ARRDC1: variants seen among roughly 807,000 people sequenced by gnomAD.
The protein encoded by ARRDC1 is arrestin domain containing 1.
Under a neutral mutation model 40.1 loss-of-function variants are expected in ARRDC1, and 37 were observed. The observed-to-expected ratio is 0.92, with a 90% CI of 0.71 to 1.21. The LOEUF (loss-of-function observed/expected upper bound fraction) is 1.21. Among genes scored for constraint, ARRDC1 ranks in the 50% most tolerant of loss-of-function variants. The pLI, the probability that ARRDC1 is intolerant of heterozygous loss-of-function variation, is 0.00. For synonymous variants in ARRDC1, 310 were observed against 262.5 expected, an observed-to-expected ratio of 1.18 and a Z score of -1.75; for missense variants, 641 against 581.9, an observed-to-expected ratio of 1.10 and a Z score of -1.04.
intron 3 of ARRDC1, 31 bp from the exon 4 acceptor site, chr9:137,613,584 A>G: frequency 1.9e-6 from 3 of 1,614,146 alleles, no homozygotes; most frequent in Non-Finnish European, 2.5e-6. Flanking sequence ...GGTGGAAGGC[A>G]GCCAGGTACC....
Position 137,609,232 on chromosome 9 carries a change from C to CATTT in ARRDC1, c.118+3419_118+3422dup, listed in dbSNP as rs577449196. Among the ~76,000 whole-genome samples, 1,288 of 152,078 alleles carry CATTT rather than the reference C, an allele frequency of 8.5e-3. 14 individuals are homozygous for CATTT. The highest frequency in any genetic ancestry group is 0.028 in the African/African-American group (1,150 of 41,466). The stretch of plus-strand genomic sequence containing the variant: ...CACCTCCCTCCAACGTGTGTTGAGA[C>CATTT]ATTTATTTATTTATTTATTTATTTA... On this transcript the variant is annotated intron_variant, in intron 1 of 7. Coordinates refer to ENST00000371421, the MANE Select transcript of ARRDC1 (RefSeq NM_152285.4).
rs773151250 is a variant in ARRDC1 at position 137,613,788 on chromosome 9, C to T, written c.435+19C>T. ...CATTGAGGTGAGGATGGCACAGTGA[C>T]CTCCTTGGTGGGTCCCCACCCTCAT... On this transcript the variant is annotated intron_variant, in intron 4 of 7. Coordinates refer to ENST00000371421, the MANE Select transcript of ARRDC1 (RefSeq NM_152285.4). 22 of 1,613,342 alleles carry T rather than the reference C, an allele frequency of 1.4e-5. No homozygotes were observed. The highest frequency in any genetic ancestry group is 6.7e-5 in the African/African-American group (5 of 75,056).
chr9:137,607,662 G>A (rs1842446835), intron 1 of ARRDC1, among the ~76,000 whole-genome samples: 1 of 152,226 alleles, frequency 6.6e-6, no homozygotes, highest in Non-Finnish European at 1.5e-5. Context: ...CAGCGCCCTG[G>A]CAAGTGGCAC....
At chr9:137,607,457 G>A (rs934803157) in intron 1 of ARRDC1, among the ~76,000 whole-genome samples, 8 of 152,214 alleles carry the variant, frequency 5.3e-5, no homozygotes, top group Non-Finnish European at 8.8e-5. Flanking sequence ...AAGGGCTGAC[G>A]CGGAGGGAGG....
In ARRDC1 at chr9:137,614,876, C is replaced by T; in HGVS notation, c.1113C>T (p.His371=). The stretch of plus-strand genomic sequence containing the variant: ...GCAGCCCTGCCTCACACCCGCTGCA[C>T]CCTCCCTTGTGCATTTCAACAGGTG... The part of the protein sequence containing the change: ...QDGSPASHPL[H]PPLCISTGAT... Residue 371 remains histidine (H), a synonymous_variant, in exon 7 of 8, where the codon CAC becomes CAT. Transcript: ENST00000371421. 1.2e-6 allele frequency: 2 copies of T among 1,613,724 alleles called. No homozygotes were observed. The highest frequency in any genetic ancestry group is 1.7e-6 in the Non-Finnish European group (2 of 1,180,006).
At chr9:137,606,331 A>G (rs115899886) in intron 1 of ARRDC1, among the ~76,000 whole-genome samples, 8,165 of 152,086 alleles carry the variant, frequency 0.054, 272 homozygotes, top group South Asian at 0.15. Context: ...GGGACTGGGT[A>G]TCGGGTTGCT....
At position 137,609,056 on chromosome 9, in the gene ARRDC1, G is replaced by A. The variant is rs533453961; in HGVS notation, c.118+3221G>A. 2.3e-4 allele frequency among the ~76,000 whole-genome samples: 35 copies of A among 152,294 alleles called. No homozygotes were observed. The South Asian group carries it at 6.2e-3, about 27-fold the overall frequency. ...ATGCTTTGCTAGTAGGAGCAGTGGC[G>A]TGTGAGGCTCCCGGTTAAATACCAT... On this transcript the variant is annotated intron_variant, in intron 1 of 7. Coordinates refer to ENST00000371421, the MANE Select transcript of ARRDC1 (RefSeq NM_152285.4).
chr9:137,612,855 C>A, intron 1 of ARRDC1, 41 bp from the exon 2 acceptor site: 1 of 1,514,630 alleles, frequency 6.6e-7, no homozygotes, highest in Non-Finnish European at 9.1e-7. Flanking sequence ...GGGGCCTGGG[C>A]CGTCGGCTGG....
In ARRDC1 at chr9:137,612,900, C is replaced by G; in HGVS notation, c.123C>G (p.Ile41Met). 1 of 1,613,370 alleles carries G rather than the reference C, an allele frequency of 6.2e-7. No individual in the cohort carries two copies. The highest frequency in any genetic ancestry group is 8.5e-7 in the Non-Finnish European group (1 of 1,179,480). The change falls in exon 2 of 8, where the codon ATC (isoleucine) becomes ATG (methionine). Residue 41 changes from isoleucine (I) to methionine (M), a missense_variant. Coordinates refer to ENST00000371421, the MANE Select transcript of ARRDC1 (RefSeq NM_152285.4). The stretch of plus-strand genomic sequence containing the variant: ...ATGCAGCCATCCCCTTTGCAGCCAT[C>G]CGGGTGACCTGCATAGGTTCCTGCG... ...RLGAPLPFRAIRVTCIGSCGV... is the reference protein window; with the variant it reads ...RLGAPLPFRAMRVTCIGSCGV...
intron 1 of ARRDC1, among the ~76,000 whole-genome samples, chr9:137,608,144 G>A (rs919559730): frequency 2.0e-5 from 3 of 152,046 alleles, no homozygotes; most frequent in Non-Finnish European, 2.9e-5. Flanking sequence ...CACCACACCC[G>A]GCTAATTTGT....
intron 1 of ARRDC1, among the ~76,000 whole-genome samples, chr9:137,609,874 T>C (rs904321964): frequency 6.0e-5 from 9 of 150,994 alleles, no homozygotes; most frequent in African/African-American, 2.2e-4. Flanking sequence ...AAATGGTAGG[T>C]CATTTGGGCT....
intron 1 of ARRDC1, among the ~76,000 whole-genome samples, chr9:137,611,025 G>A (rs1842506868): frequency 6.6e-6 from 1 of 152,328 alleles, no homozygotes; most frequent in Admixed American, 6.5e-5. Context: ...GATTCAAGGT[G>A]GGGATGTGCA....
rs765369594 is a variant in ARRDC1, at chr9:137,614,230, A to G, written c.618+16A>G. The G allele has an allele frequency of 3.2e-6, 5 of 1,582,056 alleles. No homozygotes were observed. Among genetic ancestry groups the G allele is most frequent in the Non-Finnish European group, 3.4e-6 (4 of 1,160,436 alleles). On this transcript the variant is annotated intron_variant, in intron 5 of 7. Coordinates refer to ENST00000371421, the MANE Select transcript of ARRDC1 (RefSeq NM_152285.4). The stretch of plus-strand genomic sequence containing the variant: ...TCTGCTGCAGGTCAGAGCCCCCGCC[A>G]GTTGCCTGGACCGGCCTCCTGGGGT...
chr9:137,605,842 G>A lies in ARRDC1; in HGVS notation c.118+7G>A. The A allele has an allele frequency of 8.0e-7, 1 of 1,244,852 alleles. No homozygotes were observed. Among genetic ancestry groups the A allele is most frequent in the South Asian group, 2.9e-5 (1 of 34,602 alleles). 77.1% of individuals were successfully genotyped at this position (1,244,852 alleles called of 1,614,324 possible). A position where few individuals can be genotyped will look rare whatever the true frequency, so the allele number is the denominator to read the frequency against. ...GCACCGCTGCCGTTCCGAGGTGGGC[G>A]CGGGTCCTCGGGGAGGGCCTTTGGC... On this transcript the variant is annotated splice_region_variant and intron_variant, in intron 1 of 7. Transcript: ENST00000371421.
rs774614089 is a variant in ARRDC1 at position 137,613,513 on chromosome 9, G to A, written c.280+3G>A. ...CCCCTTCCAGTTCCTGCTTCCTGGT[G>A]AGAGCCCAGCCTGGACAGGCCTGGT... On this transcript the variant is annotated splice_donor_region_variant and intron_variant, in intron 3 of 7. Transcript: ENST00000371421. The A allele has an allele frequency of 3.1e-6, 5 of 1,613,692 alleles. No individual in the cohort carries two copies. Among genetic ancestry groups the A allele is most frequent in the Admixed American group, 3.3e-5 (2 of 59,960 alleles).
chr9:137,612,528 C>T (rs550662656), intron 1 of ARRDC1: 433 of 259,102 alleles, frequency 1.7e-3, no homozygotes, highest in Non-Finnish European at 2.7e-3. Flanking sequence ...AGATGCGCCC[C>T]TTGGTGTGTC....
intron 1 of ARRDC1, chr9:137,612,589 A>G: frequency 3.0e-6 from 1 of 333,880 alleles, no homozygotes; most frequent in Admixed American, 4.9e-5. Context: ...GCTGGGAGCC[A>G]AGGTTACCAA....
rs991312421 is a variant in ARRDC1, at chr9:137,610,178, G to A, written c.119-2718G>A. Among the ~76,000 whole-genome samples the A allele has an allele frequency of 3.2e-4, 49 of 152,274 alleles. 1 individual carries two copies. Among genetic ancestry groups the A allele is most frequent in the African/African-American group, 1.1e-3 (46 of 41,554 alleles). On this transcript the variant is annotated intron_variant, in intron 1 of 7. Transcript: ENST00000371421. ...AGTTACCTACTGCTACGTAAAAGTC[G>A]CGGTCACCTCAAGTCAGACACCATT...
At position 137,614,865 on chromosome 9, in the gene ARRDC1, C is replaced by A; in HGVS notation, c.1102C>A (p.His368Asn). ...CCCTCAGGATGGCAGCCCTGCCTCA[C>A]ACCCGCTGCACCCTCCCTTGTGCAT... ...PCPQDGSPAS[H>N]PLHPPLCIST... is the part of the protein sequence containing the mutation. Residue 368 changes from histidine to asparagine, a missense_variant, in exon 7 of 8, where the codon CAC becomes AAC. Transcript: ENST00000371421. 6.2e-7 allele frequency: 1 copy of A among 1,613,640 alleles called. No homozygotes were observed. Among genetic ancestry groups the A allele is most frequent in the Non-Finnish European group, 8.5e-7 (1 of 1,179,988 alleles).
Sources: gnomAD v4.1 joint callset for allele counts (sites outside exome capture counted in the v4.1 genomes callset) on GRCh38, gnomAD v4.1.1 for gene constraint, MANE v1.5 for transcripts, NCBI Gene and HGNC (gene_info 2026-07-23, HGNC 2026-07-21) for gene names.